Variants in PTPN14 observed in about 807,000 individuals in gnomAD.
PTPN14 encodes tyrosine-protein phosphatase non-receptor type 14.
PTPN14 carries 53 observed loss-of-function variants against 126.8 expected under a neutral mutation model. The ratio of observed to expected loss-of-function variants is 0.42; its 90% CI spans 0.34 to 0.53. The LOEUF (loss-of-function observed/expected upper bound fraction) is 0.53, where lower values mean the gene tolerates loss of function less well. Ranked by LOEUF, PTPN14 falls within the 20% of genes least tolerant of loss-of-function variation. The pLI is 0.08. For missense variants in PTPN14, 1,257 were observed against 1,552.9 expected (o/e 0.81, Z 3.20); for synonymous variants, 630 against 599.3 (o/e 1.05, Z -0.75).
intron 1 of PTPN14, among the ~76,000 whole-genome samples, chr1:214,492,314 T>C (rs888661066): frequency 7.0e-4 from 106 of 152,204 alleles, no homozygotes; most frequent in Admixed American, 3.0e-3. Context: ...GGAGATAAGA[T>C]GGCCCCTAGG....
intron 5 of PTPN14, among the ~76,000 whole-genome samples, chr1:214,403,585 G>A (rs1403671352): frequency 6.6e-6 from 1 of 152,130 alleles, no homozygotes; most frequent in Non-Finnish European, 1.5e-5. Flanking sequence ...TGACTACTAT[G>A]GGCTCAGAAG....
At chr1:214,393,526 T>C (rs1231292712) in intron 10 of PTPN14, among the ~76,000 whole-genome samples, 169 bp downstream of exon 10, 1 of 152,206 alleles carries the variant, frequency 6.6e-6, no homozygotes, top group African/African-American at 2.4e-5. Flanking sequence ...CACTAGACAG[T>C]CTTCATCATT....
At chr1:214,520,516 C>A (rs1655229340) in intron 1 of PTPN14, among the ~76,000 whole-genome samples, 1 of 152,008 alleles carries the variant, frequency 6.6e-6, no homozygotes, top group Non-Finnish European at 1.5e-5. Flanking sequence ...CTTCAGGATG[C>A]CTGGAATCTA....
chr1:214,452,368 C>A (rs1036458928), intron 2 of PTPN14, among the ~76,000 whole-genome samples: 4 of 152,238 alleles, frequency 2.6e-5, no homozygotes, highest in African/African-American at 9.6e-5. Context: ...ACCGCTCCTG[C>A]ACCTGCTGCA....
Position 214,383,341 on chromosome 1 carries a change from G to A in PTPN14, c.2514C>T (p.Asp838=), listed in dbSNP as rs146424456. 5,530 of 1,614,062 alleles carry A rather than the reference G, an allele frequency of 3.4e-3. 12 individuals carry two copies. The highest frequency in any genetic ancestry group is 4.3e-3 in the Non-Finnish European group (5,019 of 1,179,918). ...RPVSEMFSLE[D]SIIEREMMIR... Reference sequence around the variant, plus strand: ...TCATCATCTCTCTCTCTATAATGCTGTCTTCCAGGGAAAACATTTCAGACA... The same window carrying A: ...TCATCATCTCTCTCTCTATAATGCTATCTTCCAGGGAAAACATTTCAGACA... The change falls in exon 13 of 19, where the codon GAC becomes GAT. Residue 838 remains aspartate, a synonymous_variant. Transcript: ENST00000366956. This position sits in a 1 kb window ranked among gnomAD's most constrained non-coding sequence, Gnocchi z 4.4.
intron 5 of PTPN14, among the ~76,000 whole-genome samples, chr1:214,403,514 G>A (rs1016262486): frequency 2.0e-5 from 3 of 152,284 alleles, no homozygotes; most frequent in South Asian, 2.1e-4. Context: ...CAACAGTTGC[G>A]TAGCTGACTA....
chr1:214,401,665 C>G lies in PTPN14; in HGVS notation c.669+20G>C. The G allele has an allele frequency of 3.9e-6, 6 of 1,519,952 alleles. No homozygotes were observed. The highest frequency in any genetic ancestry group is 5.4e-6 in the Non-Finnish European group (6 of 1,106,224). 94.2% of individuals were successfully genotyped at this position (1,519,952 alleles called of 1,614,324 possible). On this transcript the variant is annotated intron_variant, in intron 7 of 18. Transcript: ENST00000366956. Reference sequence around the variant, plus strand: ...ACCGGTCTGAGAAGGTTAAAGCCAGCACAGGGCACAGCATATTACCTTTAC... The same window carrying G: ...ACCGGTCTGAGAAGGTTAAAGCCAGGACAGGGCACAGCATATTACCTTTAC...
At chr1:214,504,333 G>GCACCGGGCAAGCACAT (rs1654781181) in intron 1 of PTPN14, among the ~76,000 whole-genome samples, 1 of 152,080 alleles carries the variant, frequency 6.6e-6, no homozygotes, top group Non-Finnish European at 1.5e-5. Context: ...ACCGGGCAAT[G>GCACCGGGCAAGCACAT]GGCAGCTGCC....
chr1:214,498,387 G>A (rs1486646803), intron 1 of PTPN14, among the ~76,000 whole-genome samples: 1 of 152,180 alleles, frequency 6.6e-6, no homozygotes, highest in Non-Finnish European at 1.5e-5. Context: ...CATGGAAGAA[G>A]GCAAGACTCA....
chr1:214,501,364 C>T (rs902452212), intron 1 of PTPN14, among the ~76,000 whole-genome samples: 10 of 152,076 alleles, frequency 6.6e-5, no homozygotes, highest in African/African-American at 9.7e-5. Flanking sequence ...CTCAGCCTCC[C>T]GAGTGGCTGG....
At chr1:214,426,043 A>G (rs1290902184) in intron 3 of PTPN14, among the ~76,000 whole-genome samples, 1 of 145,574 alleles carries the variant, frequency 6.9e-6, no homozygotes, top group Non-Finnish European at 1.5e-5. Context: ...AAAAAAAAAA[A>G]AAAAAAAAAA....
intron 3 of PTPN14, among the ~76,000 whole-genome samples, chr1:214,440,189 G>A (rs573309100): frequency 2.0e-4 from 30 of 152,316 alleles, no homozygotes; most frequent in Non-Finnish European, 3.5e-4. Flanking sequence ...TATGGGCAGA[G>A]TCCCTTTATC....
At position 214,364,970 on chromosome 1, in the gene PTPN14, C is replaced by A. The variant is rs1384189312; in HGVS notation, c.3272-295G>T. Among the ~76,000 whole-genome samples, 3 of 151,856 alleles carry A rather than the reference C, an allele frequency of 2.0e-5. No homozygotes were observed. Among genetic ancestry groups the A allele is most frequent in the African/African-American group, 7.3e-5 (3 of 41,302 alleles). On this transcript the variant is annotated intron_variant, in intron 17 of 18. Transcript: ENST00000366956. This position sits in a 1 kb window ranked among gnomAD's most constrained non-coding sequence, Gnocchi z 4.1. ...TTTTTTAAAAATTAAATTCTGTTTT[C>A]CCCTCTGCAAATCCCTAAGTCCCTC...
intron 3 of PTPN14, among the ~76,000 whole-genome samples, chr1:214,440,428 A>G (rs1660013863): frequency 6.6e-6 from 1 of 152,246 alleles, no homozygotes; most frequent in Non-Finnish European, 1.5e-5. Flanking sequence ...TTTATGGGTA[A>G]TCAGAGATGA....
intron 1 of PTPN14, among the ~76,000 whole-genome samples, chr1:214,499,392 T>C (rs988106246): frequency 6.6e-6 from 1 of 152,092 alleles, no homozygotes; most frequent in Admixed American, 6.6e-5. Flanking sequence ...TATATATATA[T>C]ATATGCTGGT....
intron 13 of PTPN14, among the ~76,000 whole-genome samples, chr1:214,378,597 G>A (rs146701030): frequency 2.0e-4 from 31 of 152,316 alleles, no homozygotes; most frequent in African/African-American, 7.2e-4. Context: ...ATCTTCCTAA[G>A]TTTCCGTCCT....
chr1:214,409,841 C>A (rs1475426502), intron 5 of PTPN14, among the ~76,000 whole-genome samples: 1 of 152,142 alleles, frequency 6.6e-6, no homozygotes, highest in Non-Finnish European at 1.5e-5. Context: ...TTGATAACAG[C>A]CAATCCAACA....
chr1:214,465,951 CTTTT>C (rs71165974), intron 1 of PTPN14, among the ~76,000 whole-genome samples: 1,734 of 59,078 alleles, frequency 0.029, 78 homozygotes, highest in African/African-American at 0.11. Flanking sequence ...CAGTTACTTC[CTTTT>C]TTTTTTTTTT....
intron 1 of PTPN14, among the ~76,000 whole-genome samples, chr1:214,515,667 T>C (rs1655083047): frequency 6.6e-6 from 1 of 152,202 alleles, no homozygotes; most frequent in Admixed American, 6.5e-5. Flanking sequence ...TGTGCCTCCT[T>C]AGAGAAATTT....
Sources: gnomAD v4.1 joint callset for allele counts (sites outside exome capture counted in the v4.1 genomes callset) on GRCh38, gnomAD v4.1.1 for gene constraint, Gnocchi (gnomAD v3.1) non-coding constraint, MANE v1.5 for transcripts, NCBI Gene and HGNC (gene_info 2026-07-23, HGNC 2026-07-21) for gene names.